Variants in SLC25A48 observed in about 807,000 individuals in gnomAD.
SLC25A48 encodes CTC-321K16.1.
In SLC25A48, 29 loss-of-function variants were observed where a neutral mutation model predicts 32.2. The ratio of observed to expected loss-of-function variants is 0.90; its 90% confidence interval spans 0.67 to 1.23. SLC25A48 has a LOEUF of 1.23. Ranked by LOEUF, SLC25A48 falls within the 50% of genes most tolerant of loss-of-function variation. The pLI is 0.00. For synonymous variants in SLC25A48, 164 were observed against 172.3 expected (o/e 0.95, Z 0.38); for missense variants, 399 against 422.7 (o/e 0.94, Z 0.49).
intron 1 of SLC25A48, among the ~76,000 whole-genome samples, chr5:135,593,651 C>T (rs1353994812): frequency 6.6e-6 from 1 of 152,106 alleles, no homozygotes; most frequent in Non-Finnish European, 1.5e-5. Context: ...TTGCAGTGGT[C>T]CATTTCTGTG....
chr5:135,600,564 C>T (rs1751771088), intron 1 of SLC25A48, among the ~76,000 whole-genome samples: 1 of 152,176 alleles, frequency 6.6e-6, no homozygotes, highest in Admixed American at 6.5e-5. Flanking sequence ...CTTTGTTCCT[C>T]CTGCTTGGAA....
intron 3 of SLC25A48, among the ~76,000 whole-genome samples, chr5:135,727,329 TG>T (rs1408790424): frequency 6.6e-6 from 1 of 151,986 alleles, no homozygotes. Flanking sequence ...GTCAGATATG[TG>T]GTTTGCAAAT....
At chr5:135,798,216 T>C (rs1319817887) in intron 3 of SLC25A48, among the ~76,000 whole-genome samples, 1 of 151,762 alleles carries the variant, frequency 6.6e-6, no homozygotes, top group Non-Finnish European at 1.5e-5. Flanking sequence ...GGGGAGAAGA[T>C]AACATTATTC....
rs74447314 is a variant in SLC25A48, at chr5:135,703,289, A to T, written c.-521+68333A>T. ...TGAAATGTTCAATCACTACTCAGGG[A>T]TGCTTCAGCATGCCTCCATCTCTGA... On this transcript the variant is annotated intron_variant, in intron 3 of 10. Coordinates refer to the SLC25A48 transcript ENST00000646290. Among the ~76,000 whole-genome samples, 76 of 152,280 alleles carry T rather than the reference A, an allele frequency of 5.0e-4. 1 individual carries two copies. The East Asian group carries it at 0.014, about 28-fold the overall frequency.
chr5:135,601,480 G>A (rs1223674301), intron 1 of SLC25A48, among the ~76,000 whole-genome samples: 1 of 152,176 alleles, frequency 6.6e-6, no homozygotes. Context: ...AGCAGCTCAT[G>A]TGTACTTGAA....
chr5:135,845,752 G>A (rs1475028705), intron 2 of SLC25A48, among the ~76,000 whole-genome samples: 1 of 152,214 alleles, frequency 6.6e-6, no homozygotes, highest in East Asian at 1.9e-4. Context: ...TAGACAGGCT[G>A]GAGTGCAGGG....
intron 3 of SLC25A48, among the ~76,000 whole-genome samples, chr5:135,645,809 C>T (rs1221275592): frequency 6.6e-6 from 1 of 152,178 alleles, no homozygotes; most frequent in Non-Finnish European, 1.5e-5. Flanking sequence ...CTTTAATCTG[C>T]TCTCTGCCTG....
At chr5:135,762,159 C>A (rs1756076563) in intron 3 of SLC25A48, among the ~76,000 whole-genome samples, 1 of 152,216 alleles carries the variant, frequency 6.6e-6, no homozygotes, top group South Asian at 2.1e-4. Flanking sequence ...GGTTAGCCAA[C>A]TCTTAATTGA....
chr5:135,759,246 C>A (rs1367880083), intron 3 of SLC25A48, among the ~76,000 whole-genome samples: 3 of 151,976 alleles, frequency 2.0e-5, no homozygotes, highest in Admixed American at 6.6e-5. Flanking sequence ...TGAAATAAAT[C>A]ATTAATACCA....
chr5:135,691,486 C>A (rs1754142110), intron 3 of SLC25A48, among the ~76,000 whole-genome samples: 1 of 152,180 alleles, frequency 6.6e-6, no homozygotes. Context: ...AAGAGCCAGG[C>A]ACTGCATGGG....
rs375949281 is a variant in SLC25A48 at position 135,689,086 on chromosome 5, G to A, written c.-521+54130G>A. On this transcript the variant is annotated intron_variant, in intron 3 of 10. Transcript: ENST00000646290. ...GCTAGTAAGTTTGTCTAGCTTCCGA[G>A]TCTGTGAGCCTAACCACTATGCTTT... is the stretch of plus-strand genomic sequence containing the variant. 4.6e-5 allele frequency among the ~76,000 whole-genome samples: 7 copies of A among 152,194 alleles called. No individual in the cohort carries two copies. The East Asian group carries it at 1.2e-3, about 25-fold the overall frequency.
intron 3 of SLC25A48, among the ~76,000 whole-genome samples, chr5:135,728,419 A>G (rs1580819333): frequency 6.6e-6 from 1 of 152,340 alleles, no homozygotes; most frequent in Middle Eastern, 3.4e-3. Flanking sequence ...ACCCAACAAT[A>G]TAAGTGAATA....
intron 1 of SLC25A48, among the ~76,000 whole-genome samples, chr5:135,591,941 G>A (rs1000795564): frequency 7.9e-5 from 12 of 152,160 alleles, no homozygotes; most frequent in Admixed American, 7.2e-4. Context: ...CTTCTTGGCT[G>A]AACCTGCCCC....
intron 3 of SLC25A48, among the ~76,000 whole-genome samples, chr5:135,763,861 C>T (rs1390126667): frequency 1.3e-5 from 2 of 152,018 alleles, no homozygotes. Flanking sequence ...CAATTTGTGT[C>T]ACTCAATTCT....
intron 3 of SLC25A48, among the ~76,000 whole-genome samples, chr5:135,688,154 T>G (rs560038816): frequency 6.6e-6 from 1 of 152,368 alleles, no homozygotes; most frequent in South Asian, 2.1e-4. Context: ...ATGGCTTATT[T>G]CACTTGGTAT....
At chr5:135,789,874 G>T (rs1229217926) in intron 3 of SLC25A48, among the ~76,000 whole-genome samples, 1 of 151,986 alleles carries the variant, frequency 6.6e-6, no homozygotes, top group Non-Finnish European at 1.5e-5. Flanking sequence ...ATTTCACAGG[G>T]TGTACACCTC....
At chr5:135,650,272 T>C (rs1301126106) in intron 3 of SLC25A48, 4 of 384,778 alleles carry the variant, frequency 1.0e-5, no homozygotes, top group African/African-American at 8.5e-5. Flanking sequence ...AGACAATTGC[T>C]ACTCAAAGTT....
intron 3 of SLC25A48, among the ~76,000 whole-genome samples, chr5:135,705,660 G>A (rs918814298): frequency 1.1e-4 from 17 of 152,196 alleles, no homozygotes; most frequent in African/African-American, 3.9e-4. Flanking sequence ...GTTGGCTGGA[G>A]TCAACCTTAT....
At chr5:135,775,277 C>T (rs1756521707) in intron 3 of SLC25A48, among the ~76,000 whole-genome samples, 1 of 151,480 alleles carries the variant, frequency 6.6e-6, no homozygotes, top group African/African-American at 2.4e-5. Flanking sequence ...GTGTACAGCC[C>T]CTTGTGATAT....
Sources: gnomAD v4.1 joint callset for allele counts (sites outside exome capture counted in the v4.1 genomes callset) on GRCh38, gnomAD v4.1.1 for gene constraint, MANE v1.5 for transcripts, NCBI Gene and HGNC (gene_info 2026-07-23, HGNC 2026-07-21) for gene names.